Variants in ACLY observed in about 807,000 individuals in gnomAD.
ACLY encodes ATP-citrate synthase.
Under a neutral mutation model 133.0 loss-of-function variants are expected in ACLY, and 41 were observed. The ratio of observed to expected loss-of-function variants is 0.31; its 90% CI spans 0.24 to 0.40. ACLY has a LOEUF of 0.40. Among genes scored for constraint, ACLY ranks in the 10% least tolerant of loss-of-function variants. ACLY has a pLI of 1.00. For missense variants in ACLY, 1,046 were observed against 1,453.8 expected, an observed-to-expected ratio of 0.72 and a Z score of 4.56; for synonymous variants, 495 against 549.3, an observed-to-expected ratio of 0.90 and a Z score of 1.38.
intron 8 of ACLY, 57 bp from the exon 9 acceptor site, chr17:41,905,715 C>G: frequency 1.2e-6 from 2 of 1,609,120 alleles, no homozygotes; most frequent in East Asian, 2.2e-5. Context: ...GGAGTGGCAG[C>G]CTGGTGCCTG....
chr17:41,913,417 T>C (rs1198351099), intron 2 of ACLY, among the ~76,000 whole-genome samples: 2 of 152,208 alleles, frequency 1.3e-5, no homozygotes, highest in Non-Finnish European at 2.9e-5. Context: ...ATGGGGAATC[T>C]AAAACTCAAA....
intron 20 of ACLY, among the ~76,000 whole-genome samples, chr17:41,879,544 CA>C (rs1473629942): frequency 1.4e-5 from 2 of 145,548 alleles, no homozygotes; most frequent in Non-Finnish European, 3.0e-5. Flanking sequence ...TCAACCTCCT[CA>C]ATAGCTGGGA....
intron 20 of ACLY, among the ~76,000 whole-genome samples, chr17:41,880,659 C>CT (rs781898668): frequency 2.6e-5 from 4 of 151,980 alleles, no homozygotes; most frequent in Non-Finnish European, 5.9e-5. Context: ...GGTCAGGAGA[C>CT]TGAGACCATC....
intron 20 of ACLY, 91 bp downstream of exon 20, chr17:41,883,031 G>A: frequency 5.6e-6 from 6 of 1,073,590 alleles, no homozygotes; most frequent in Non-Finnish European, 8.2e-6. Context: ...GGAACTAGCT[G>A]CGAATTAATA....
In ACLY at chr17:41,867,764, G is replaced by C; in HGVS notation, c.*46C>G. On this transcript the variant is annotated 3_prime_UTR_variant, in exon 29 of 29. Transcript: ENST00000352035. Reference sequence around the variant, plus strand: ...GCTGTCTGTACACTTTTTCTTGGGGGAAGAGATCTTGTCTTCAGTTTACTG... The same window carrying C: ...GCTGTCTGTACACTTTTTCTTGGGGCAAGAGATCTTGTCTTCAGTTTACTG... 6.7e-7 allele frequency: 1 copy of C among 1,483,504 alleles called. No individual in the cohort carries two copies. The highest frequency in any genetic ancestry group is 9.3e-7 in the Non-Finnish European group (1 of 1,076,120). The allele number at this position is 1,483,504 out of a possible 1,614,324, so 91.9% of individuals were successfully genotyped here.
At position 41,886,141 on chromosome 17, in the gene ACLY, G is replaced by T. The variant is rs1555628090; in HGVS notation, c.2043C>A (p.Val681=). ...CCCCACCAATGGCCACGCCCTCATA[G>T]ACGCCATCCGTGGTCCGAGAGATGA... ...NNIISRTTDG[V]YEGVAIGGDR... is the part of the protein sequence containing the mutation. The change falls in exon 18 of 29, where the codon GTC becomes GTA. Residue 681 remains valine (V), a synonymous_variant. Transcript: ENST00000352035. 1 of 1,614,062 alleles carries T rather than the reference G, an allele frequency of 6.2e-7. No individual in the cohort carries two copies. Among genetic ancestry groups the T allele is most frequent in the Non-Finnish European group, 8.5e-7 (1 of 1,179,970 alleles).
intron 25 of ACLY, 34 bp downstream of exon 25, chr17:41,871,655 T>G: frequency 6.2e-7 from 1 of 1,613,094 alleles, no homozygotes; most frequent in Non-Finnish European, 8.5e-7. Flanking sequence ...GCGCCTGGCC[T>G]CCATCCCACT....
chr17:41,902,953 AT>A (rs1191457453), intron 10 of ACLY, among the ~76,000 whole-genome samples: 2 of 151,864 alleles, frequency 1.3e-5, no homozygotes, highest in African/African-American at 2.4e-5. Context: ...CAACCCACTA[AT>A]TTTTTTTAAA....
upstream of ACLY, chr17:41,919,107 G>T (rs1209856516): frequency 5.1e-6 from 6 of 1,172,754 alleles, no homozygotes; most frequent in East Asian, 4.6e-4. Flanking sequence ...GCTTGGCTCC[G>T]CCCCACGAGG....
At chr17:41,868,311 G>A (rs1188521384) in intron 28 of ACLY, among the ~76,000 whole-genome samples, 5 of 151,072 alleles carry the variant, frequency 3.3e-5, no homozygotes, top group African/African-American at 7.3e-5. Context: ...GGTGGCATGC[G>A]CCTGTAGTCC....
At chr17:41,896,295 A>G (rs1555630328) in intron 14 of ACLY, among the ~76,000 whole-genome samples, 1 of 152,116 alleles carries the variant, frequency 6.6e-6, no homozygotes, top group Admixed American at 6.6e-5. Context: ...TTCCCAGGCG[A>G]CACTCTCTCC....
At chr17:41,913,589 C>T in intron 2 of ACLY, 126 bp downstream of exon 2, 1 of 1,022,216 alleles carries the variant, frequency 9.8e-7, no homozygotes, top group Non-Finnish European at 1.4e-6. Flanking sequence ...CCATGGCATG[C>T]TTCCCACAGC....
At chr17:41,875,301 G>T (rs1160052083) in intron 22 of ACLY, among the ~76,000 whole-genome samples, 1 of 146,454 alleles carries the variant, frequency 6.8e-6, no homozygotes, top group Non-Finnish European at 1.5e-5. Flanking sequence ...AGTGAGCAGA[G>T]ATCGCACCAT....
chr17:41,911,801 T>C (rs958962411), intron 3 of ACLY, among the ~76,000 whole-genome samples: 1 of 151,048 alleles, frequency 6.6e-6, no homozygotes, highest in East Asian at 2.0e-4. Flanking sequence ...TGAGTGACAG[T>C]GTGAGACCCT....
intron 1 of ACLY, among the ~76,000 whole-genome samples, chr17:41,916,029 C>T (rs1469430946): frequency 2.0e-5 from 3 of 152,096 alleles, no homozygotes; most frequent in African/African-American, 7.2e-5. Flanking sequence ...TTGGAAAGGA[C>T]AAGGGAGAAA....
At chr17:41,913,387 A>G (rs2049958944) in intron 2 of ACLY, among the ~76,000 whole-genome samples, 1 of 152,248 alleles carries the variant, frequency 6.6e-6, no homozygotes, top group African/African-American at 2.4e-5. Flanking sequence ...GCTCAAAGTG[A>G]GTATTATCCC....
intron 16 of ACLY, among the ~76,000 whole-genome samples, chr17:41,888,713 C>T (rs1252224051): frequency 7.2e-5 from 11 of 151,798 alleles, no homozygotes; most frequent in Admixed American, 3.9e-4. Flanking sequence ...CAGGGAGACC[C>T]GGTAGGAGGA....
At chr17:41,927,740 C>T (rs2050260344) in intron 1 of ACLY, among the ~76,000 whole-genome samples, 1 of 151,824 alleles carries the variant, frequency 6.6e-6, no homozygotes, top group South Asian at 2.1e-4. Context: ...GCAGAAGAAT[C>T]ACTTGAACCT....
chr17:41,922,458 G>GA (rs373826503), upstream of ACLY, among the ~76,000 whole-genome samples: 31 of 138,546 alleles, frequency 2.2e-4, no homozygotes, highest in South Asian at 4.6e-4. Context: ...CCCTGTATGA[G>GA]AAAAAAAAAA....
Sources: allele counts gnomAD v4.1 joint callset (sites outside exome capture counted in the v4.1 genomes callset), GRCh38; gene constraint gnomAD v4.1.1; transcripts MANE v1.5; gene names NCBI Gene and HGNC (gene_info 2026-07-23, HGNC 2026-07-21).